Variants in DAAM2 observed in about 807,000 individuals in gnomAD.
DAAM2 encodes disheveled-associated activator of morphogenesis 2.
DAAM2 carries 39 observed loss-of-function variants against 120.7 expected under a neutral mutation model. That is an observed-to-expected ratio of 0.32 (90% CI 0.25 to 0.42). The LOEUF (loss-of-function observed/expected upper bound fraction) is 0.42, where lower values mean the gene tolerates loss of function less well. DAAM2 is among the 10% of genes least tolerant of loss of function. The pLI is 1.00. For missense variants in DAAM2, 1,283 were observed against 1,401.7 expected (o/e 0.92, Z 1.35); for synonymous variants, 488 against 524.9 (o/e 0.93, Z 0.96).
chr6:39,900,529 T>C (rs1766415716), intron 23 of DAAM2, among the ~76,000 whole-genome samples: 1 of 152,194 alleles, frequency 6.6e-6, no homozygotes, highest in African/African-American at 2.4e-5. Context: ...TTGCCCAAGA[T>C]TGCCCAGCTG....
At chr6:39,869,488 G>A (rs1764566168) in intron 7 of DAAM2, among the ~76,000 whole-genome samples, 1 of 152,172 alleles carries the variant, frequency 6.6e-6, no homozygotes. Context: ...TTGGGAGGCT[G>A]AGGCAGGAGA....
chr6:39,891,505 G>A (rs559610483), intron 18 of DAAM2, 58 bp downstream of exon 18: 3 of 1,526,616 alleles, frequency 2.0e-6, no homozygotes, highest in East Asian at 2.4e-5. Flanking sequence ...GGTGGGGCAG[G>A]TGGGGCTCTG....
chr6:39,796,921 A>G (rs182458119), intron 1 of DAAM2, among the ~76,000 whole-genome samples: 2 of 152,318 alleles, frequency 1.3e-5, no homozygotes, highest in African/African-American at 4.8e-5. Context: ...CTGCTCAGTA[A>G]AATGTTAATG....
At chr6:39,893,355 A>T (rs1360392336) in intron 19 of DAAM2, among the ~76,000 whole-genome samples, 1 of 152,112 alleles carries the variant, frequency 6.6e-6, no homozygotes, top group Admixed American at 6.6e-5. Flanking sequence ...TGTCTACTAA[A>T]AAATACAAAA....
At chr6:39,887,810 C>A (rs112007776) in intron 16 of DAAM2, 4 of 507,826 alleles carry the variant, frequency 7.9e-6, no homozygotes, top group Non-Finnish European at 1.4e-5. Flanking sequence ...GCCTGGTCAG[C>A]GTCTGGCAGC....
chr6:39,792,679 TGA>T (rs1409416422), intron 1 of DAAM2, among the ~76,000 whole-genome samples: 1 of 152,154 alleles, frequency 6.6e-6, no homozygotes, highest in Non-Finnish European at 1.5e-5. Context: ...TGTGTGTGTG[TGA>T]GTTGTGTGTG....
intron 1 of DAAM2, among the ~76,000 whole-genome samples, chr6:39,826,661 C>T (rs1183969888): frequency 6.6e-6 from 1 of 152,060 alleles, no homozygotes; most frequent in African/African-American, 2.4e-5. Flanking sequence ...ATTTTTTTCA[C>T]TTCATATTAG....
chr6:39,810,282 C>A (rs1208396352), intron 1 of DAAM2, among the ~76,000 whole-genome samples: 1 of 152,204 alleles, frequency 6.6e-6, no homozygotes, highest in African/African-American at 2.4e-5. Flanking sequence ...ATTAGGTGAA[C>A]AATGAGCATC....
chr6:39,826,965 C>G (rs977072033), intron 1 of DAAM2, among the ~76,000 whole-genome samples: 1 of 152,084 alleles, frequency 6.6e-6, no homozygotes, highest in Non-Finnish European at 1.5e-5. Context: ...AAGAGAGAGG[C>G]GGTGTAGCTT....
Position 39,879,421 on chromosome 6 carries a change from C to A in DAAM2, c.1789C>A (p.Arg597Ser). Residue 597 changes from arginine to serine, a missense_variant, in exon 14 of 25, where the codon CGT becomes AGT. Coordinates refer to ENST00000274867, the MANE Select transcript of DAAM2 (RefSeq NM_001201427.2). ...CAGTGACGTCCCACTCAGGAAAAAG[C>A]GTGTCCCCCAGCCTTCTCACCCACT... is the stretch of plus-strand genomic sequence containing the variant. ...PSSDVPLRKKRVPQPSHPLKS... is the reference protein window; with the variant it reads ...PSSDVPLRKKSVPQPSHPLKS... 6.2e-7 allele frequency: 1 copy of A among 1,613,902 alleles called. No homozygotes were observed. The highest frequency in any genetic ancestry group is 1.1e-5 in the South Asian group (1 of 91,076).
chr6:39,800,708 A>T (rs1359506256), intron 1 of DAAM2, among the ~76,000 whole-genome samples: 2 of 152,300 alleles, frequency 1.3e-5, no homozygotes, highest in Admixed American at 1.3e-4. Context: ...GAAACCAATG[A>T]TGGTGGGGAG....
chr6:39,856,393 C>T lies in DAAM2; in HGVS notation c.91C>T (p.His31Tyr). 2 of 1,552,054 alleles carry T rather than the reference C, an allele frequency of 1.3e-6. No homozygotes were observed. The highest frequency in any genetic ancestry group is 1.9e-5 in the Admixed American group (1 of 51,456). Residue 31 changes from histidine (H) to tyrosine (Y), a missense_variant, in exon 2 of 25, where the codon CAC becomes TAC. By Grantham distance (83) the His-to-Tyr change is moderately conservative. This residue lies in a region of DAAM2 where 197 missense variants were observed against 189.3 expected (regional missense o/e 1.04). Transcript: ENST00000274867. ...DIPEINLRDNHPLQFMEFSSP... is the reference protein window; with the variant it reads ...DIPEINLRDNYPLQFMEFSSP... Reference sequence around the variant, plus strand: ...CCCCGAAATCAACCTCCGGGACAACCACCCTCTGCAGTTCATGGAGTTCTC... The same window carrying T: ...CCCCGAAATCAACCTCCGGGACAACTACCCTCTGCAGTTCATGGAGTTCTC...
At chr6:39,800,951 A>G (rs1336409751) in intron 1 of DAAM2, among the ~76,000 whole-genome samples, 2 of 152,182 alleles carry the variant, frequency 1.3e-5, no homozygotes, top group East Asian at 1.9e-4. Context: ...CTGCATCCCA[A>G]GAAGAAACCC....
intron 11 of DAAM2, among the ~76,000 whole-genome samples, chr6:39,877,310 G>T (rs957683725): frequency 1.3e-5 from 2 of 152,142 alleles, no homozygotes; most frequent in Non-Finnish European, 2.9e-5. Context: ...TTCTTCTTTT[G>T]CTCCCAGGGC....
intron 21 of DAAM2, among the ~76,000 whole-genome samples, chr6:39,898,381 T>A (rs1167538389): frequency 6.6e-6 from 1 of 152,162 alleles, no homozygotes; most frequent in African/African-American, 2.4e-5. Flanking sequence ...TGCCCTACAA[T>A]GGATGGTCCA....
intron 14 of DAAM2, among the ~76,000 whole-genome samples, chr6:39,881,194 G>A (rs763474341): frequency 3.3e-5 from 5 of 152,038 alleles, no homozygotes; most frequent in Non-Finnish European, 7.4e-5. Flanking sequence ...TATACAGATT[G>A]CCCAGGGGCC....
In DAAM2 at chr6:39,898,655, T is replaced by C. The variant is rs186490357; in HGVS notation, c.2619-222T>C. On this transcript the variant is annotated intron_variant, in intron 21 of 24. Coordinates refer to ENST00000274867, the MANE Select transcript of DAAM2 (RefSeq NM_001201427.2). ...GACATTTCTGACCTGGAAAGATCTATAGAATGCAGGCTTCACCTTGTTAAT... is the reference window on the plus strand; with the variant it reads ...GACATTTCTGACCTGGAAAGATCTACAGAATGCAGGCTTCACCTTGTTAAT... 6.6e-5 allele frequency among the ~76,000 whole-genome samples: 10 copies of C among 152,340 alleles called. No homozygotes were observed. In the East Asian group the frequency reaches 1.2e-3, roughly 18 times the overall value.
intron 23 of DAAM2, 133 bp downstream of exon 23, chr6:39,900,341 C>G (rs750485912): frequency 7.7e-6 from 8 of 1,042,256 alleles, no homozygotes; most frequent in Non-Finnish European, 2.7e-6. Flanking sequence ...ACCGTTTCTT[C>G]GCTCTTAACA....
At chr6:39,896,778 C>T (rs992277456) in intron 19 of DAAM2, 34 bp from the exon 20 acceptor site, 4 of 1,520,710 alleles carry the variant, frequency 2.6e-6, no homozygotes, top group Non-Finnish European at 3.5e-6. Flanking sequence ...CTGCCTAGCC[C>T]ATGCAGGCCT....
Sources: allele counts gnomAD v4.1 joint callset (sites outside exome capture counted in the v4.1 genomes callset), GRCh38; gene constraint gnomAD v4.1.1; regional missense constraint gnomAD v4.1.1; transcripts MANE v1.5; gene names NCBI Gene and HGNC (gene_info 2026-07-23, HGNC 2026-07-21).